GPHN: variants seen among roughly 807,000 people sequenced by gnomAD.
The protein encoded by GPHN is gephyrin.
A neutral mutation model predicts 95.5 loss-of-function variants in GPHN; 17 were observed. That is an observed-to-expected ratio of 0.18 (90% CI 0.12 to 0.27). The LOEUF is 0.27. Among genes scored for constraint, GPHN ranks in the 10% least tolerant of loss-of-function variants. The pLI is 1.00. For synonymous variants in GPHN, 320 were observed against 322.5 expected (o/e 0.99, Z 0.08); for missense variants, 660 against 978.1 (o/e 0.67, Z 4.34).
At chr14:67,391,218 AAAG>A in the GPHN span, among the ~76,000 whole-genome samples, 1 of 152,070 alleles carries the variant, frequency 6.6e-6, no homozygotes, top group Non-Finnish European at 1.5e-5. Flanking sequence ...CATTAGGAAA[AAAG>A]CAAGAAACGA....
In GPHN at chr14:66,589,888, G is replaced by T. The variant is rs901844284; in HGVS notation, c.64+81297G>T. On this transcript the variant is annotated intron_variant, in intron 1 of 22. Coordinates refer to ENST00000478722, the MANE Select transcript of GPHN (RefSeq NM_020806.5). ...ACCAACAGAATATACATTCTTCTCA[G>T]CACCACATTTCACTTATTCTAAAAT... Among the ~76,000 whole-genome samples the T allele has an allele frequency of 4.6e-5, 7 of 152,128 alleles. 1 individual carries two copies. Among genetic ancestry groups the T allele is most frequent in the African/African-American group, 1.4e-4 (6 of 41,408 alleles).
chr14:66,680,606 AGTCT>A, intron 1 of GPHN, among the ~76,000 whole-genome samples: 1 of 152,212 alleles, frequency 6.6e-6, no homozygotes, highest in Non-Finnish European at 1.5e-5. Flanking sequence ...TTTCTTAGCT[AGTCT>A]GTCTAACTGG....
At chr14:67,250,084 A>G in the GPHN span, among the ~76,000 whole-genome samples, 415 of 152,266 alleles carry the variant, frequency 2.7e-3, 7 homozygotes, top group East Asian at 0.047. Flanking sequence ...ATTTTATGGC[A>G]CACAAATGGG....
chr14:67,668,889 A>G, the GPHN span, among the ~76,000 whole-genome samples: 1 of 152,218 alleles, frequency 6.6e-6, no homozygotes, highest in African/African-American at 2.4e-5. Context: ...AAGGAAGACA[A>G]ACAATATACT....
At chr14:67,112,755 A>C (rs1238759418) in intron 15 of GPHN, among the ~76,000 whole-genome samples, 2 of 152,254 alleles carry the variant, frequency 1.3e-5, no homozygotes, top group Admixed American at 1.3e-4. Flanking sequence ...CTCATGAAAA[A>C]AAATTTCAAA....
intron 8 of GPHN, among the ~76,000 whole-genome samples, chr14:66,934,085 G>T (rs536057572): frequency 4.7e-5 from 7 of 147,902 alleles, no homozygotes; most frequent in African/African-American, 1.5e-4. Flanking sequence ...GTTGCAGTGA[G>T]CTGTGATCAT....
intron 1 of GPHN, among the ~76,000 whole-genome samples, chr14:66,623,289 C>G (rs1428708440): frequency 6.6e-6 from 1 of 152,124 alleles, no homozygotes; most frequent in Non-Finnish European, 1.5e-5. Context: ...AATTCAATCA[C>G]CTCCGACCAG....
chr14:67,633,975 G>A, the GPHN span, among the ~76,000 whole-genome samples: 2 of 152,144 alleles, frequency 1.3e-5, no homozygotes, highest in South Asian at 4.1e-4. Context: ...TTAGCACTGG[G>A]CTGGGCTGCC....
At chr14:67,652,631 C>G in the GPHN span, 5 of 152,204 alleles carry the variant, frequency 3.3e-5, no homozygotes, top group African/African-American at 1.2e-4. Flanking sequence ...TCAGTTACTG[C>G]CCAAGAACCC....
the GPHN span, among the ~76,000 whole-genome samples, chr14:67,351,398 A>G: frequency 6.6e-6 from 1 of 152,390 alleles, no homozygotes; most frequent in Admixed American, 6.5e-5. Context: ...AAAATGTGGC[A>G]TAATATTTTC....
chr14:67,199,967 A>C, the GPHN span: 2 of 1,223,444 alleles, frequency 1.6e-6, no homozygotes, highest in Non-Finnish European at 2.3e-6. Flanking sequence ...GGAGTGCCCC[A>C]TCCAGGGATG....
At chr14:67,179,997 A>T (rs1023143712) in intron 22 of GPHN, among the ~76,000 whole-genome samples, 8 of 152,192 alleles carry the variant, frequency 5.3e-5, no homozygotes, top group African/African-American at 1.9e-4. Context: ...ATAACTTTGT[A>T]GGAAAAGGAG....
intron 2 of GPHN, among the ~76,000 whole-genome samples, chr14:66,772,904 T>A (rs1457954758): frequency 3.9e-5 from 6 of 152,226 alleles, no homozygotes; most frequent in Non-Finnish European, 8.8e-5. Context: ...GCCCCAATGT[T>A]GAAGTTTATC....
At chr14:67,087,314 G>A (rs186555790) in intron 11 of GPHN, among the ~76,000 whole-genome samples, 49 of 152,124 alleles carry the variant, frequency 3.2e-4, no homozygotes, top group Non-Finnish European at 6.8e-4. Flanking sequence ...ACCCCCCAGT[G>A]CCAGGACAAA....
At chr14:66,923,610 A>G (rs2066331115) in intron 7 of GPHN, among the ~76,000 whole-genome samples, 2 of 152,174 alleles carry the variant, frequency 1.3e-5, no homozygotes, top group Non-Finnish European at 2.9e-5. Context: ...GTTATAGAAC[A>G]TGGTTTATTC....
the GPHN span, among the ~76,000 whole-genome samples, chr14:67,545,321 T>C: frequency 6.6e-6 from 1 of 152,240 alleles, no homozygotes; most frequent in African/African-American, 2.4e-5. Context: ...TAGTCTTTAT[T>C]CTGAATAACT....
At chr14:66,611,476 T>A (rs2062781095) in intron 1 of GPHN, among the ~76,000 whole-genome samples, 1 of 152,170 alleles carries the variant, frequency 6.6e-6, no homozygotes, top group Non-Finnish European at 1.5e-5. Context: ...AAATCTGGAA[T>A]CCTTGCTTTT....
At chr14:66,668,656 A>G (rs117577200) in intron 1 of GPHN, among the ~76,000 whole-genome samples, 1,843 of 152,336 alleles carry the variant, frequency 0.012, 20 homozygotes, top group Non-Finnish European at 0.018. Context: ...GACGAGGGAC[A>G]GTATCAGGAA....
At chr14:67,297,862 T>C in the GPHN span, among the ~76,000 whole-genome samples, 23,516 of 152,136 alleles carry the variant, frequency 0.15, 3,423 homozygotes, top group East Asian at 0.42. Flanking sequence ...TCTATCTTCA[T>C]TGAGCTCAGT....
Sources: gnomAD v4.1 joint callset for allele counts (sites outside exome capture counted in the v4.1 genomes callset) on GRCh38, gnomAD v4.1.1 for gene constraint, MANE v1.5 for transcripts, NCBI Gene and HGNC (gene_info 2026-07-23, HGNC 2026-07-21) for gene names.